The following ANKAR variants were observed in gnomAD, a reference collection of about 807,000 sequenced individuals.
The protein encoded by ANKAR is ankyrin and armadillo repeat containing.
Under a neutral mutation model 146.2 loss-of-function variants are expected in ANKAR, and 136 were observed. That is an observed-to-expected ratio of 0.93 (90% CI 0.81 to 1.07). The LOEUF (loss-of-function observed/expected upper bound fraction) is 1.07. Among genes scored for constraint, ANKAR ranks in the 50% least tolerant of loss-of-function variants. ANKAR has a pLI of 0.00. For synonymous variants in ANKAR, 500 were observed against 575.8 expected (o/e 0.87, Z 1.88); for missense variants, 1,567 against 1,679.9 (o/e 0.93, Z 1.18).
intron 7 of ANKAR, among the ~76,000 whole-genome samples, 164 bp from the exon 8 acceptor site, chr2:189,704,859 T>C (rs2038704750): frequency 6.6e-6 from 1 of 151,896 alleles, no homozygotes; most frequent in South Asian, 2.1e-4. Context: ...AATCCTGAGT[T>C]AAATAAAGGA....
chr2:189,692,612 A>G (rs2036591150), intron 4 of ANKAR, 194 bp downstream of exon 4: 1 of 458,386 alleles, frequency 2.2e-6, no homozygotes, highest in African/African-American at 2.1e-5. Flanking sequence ...ACTGTGTTGG[A>G]TATCTGAGAT....
At position 189,727,894 on chromosome 2, in the gene ANKAR, G is replaced by T. The variant is rs2042044025; in HGVS notation, c.2674G>T (p.Val892Phe). 1.9e-6 allele frequency: 3 copies of T among 1,613,886 alleles called. No individual in the cohort carries two copies. Among genetic ancestry groups the T allele is most frequent in the Non-Finnish European group, 2.5e-6 (3 of 1,179,940 alleles). The change falls in exon 13 of 23, where the codon GTT (valine) becomes TTT (phenylalanine). Residue 892 changes from valine to phenylalanine, a missense_variant. Coordinates refer to ENST00000684021, the MANE Select transcript of ANKAR (RefSeq NM_001378068.1). ...TGTATCTTCTGCTGCAATTGCTGAG[G>T]TTGGGCGTGACAATAAGGAAATTCA... ...KAVSSAAIAEVGRDNKEIQDA... is the reference protein window; with the variant it reads ...KAVSSAAIAEFGRDNKEIQDA...
chr2:189,720,715 GA>G lies in ANKAR; in HGVS notation c.2567del (p.Asn856ThrfsTer6). On this transcript the variant is annotated frameshift_variant, in exon 12 of 23. Coordinates refer to ENST00000684021, the MANE Select transcript of ANKAR (RefSeq NM_001378068.1). LOFTEE classifies it high-confidence loss of function. ...NCIRVLCIGN[E>X]NNQRAVREHK... ...TATACGGGTATTGTGTATAGGAAATGAAAACAATCAAAGAGCTGTGAGAGAA... is the reference window on the plus strand; with the variant it reads ...TATACGGGTATTGTGTATAGGAAATGAAACAATCAAAGAGCTGTGAGAGAA... 6.6e-7 allele frequency: 1 copy of G among 1,520,260 alleles called. No individual in the cohort carries two copies. Among genetic ancestry groups the G allele is most frequent in the Non-Finnish European group, 8.8e-7 (1 of 1,138,196 alleles). The allele number at this position is 1,520,260 out of a possible 1,614,324, so 94.2% of individuals were successfully genotyped here.
chr2:189,709,679 G>A (rs1418646854), intron 9 of ANKAR, among the ~76,000 whole-genome samples: 1 of 152,140 alleles, frequency 6.6e-6, no homozygotes, highest in African/African-American at 2.4e-5. Context: ...AATACCTGAC[G>A]TTGGAATTTA....
chr2:189,715,208 GA>G (rs1180370437), intron 10 of ANKAR, among the ~76,000 whole-genome samples: 1 of 152,040 alleles, frequency 6.6e-6, no homozygotes. Context: ...TAATAAAGAA[GA>G]AAAGAGAGAA....
intron 2 of ANKAR, among the ~76,000 whole-genome samples, chr2:189,684,829 C>A (rs1298405521): frequency 3.3e-4 from 36 of 108,032 alleles, no homozygotes; most frequent in African/African-American, 9.6e-4. Context: ...GACCCTGTCT[C>A]AAAAAAAAAA....
intron 16 of ANKAR, among the ~76,000 whole-genome samples, chr2:189,730,935 C>G (rs1160649535): frequency 1.3e-5 from 2 of 152,122 alleles, no homozygotes; most frequent in Non-Finnish European, 2.9e-5. Flanking sequence ...TTCTACCTCC[C>G]CAGACATCAG....
intron 1 of ANKAR, chr2:189,676,175 C>T (rs1203001410): frequency 3.0e-5 from 8 of 264,618 alleles, no homozygotes; most frequent in Non-Finnish European, 4.3e-5. Context: ...AGTAGCTTCT[C>T]ACAGATAAAC....
chr2:189,760,364 G>C (rs1003596814), intron 18 of ANKAR, among the ~76,000 whole-genome samples: 3 of 152,094 alleles, frequency 2.0e-5, no homozygotes, highest in African/African-American at 7.2e-5. Flanking sequence ...CCTAAGACGG[G>C]GCGGCTGCCG....
intron 12 of ANKAR, among the ~76,000 whole-genome samples, chr2:189,721,385 T>C (rs114963577): frequency 0.016 from 2,494 of 152,256 alleles, 69 homozygotes; most frequent in African/African-American, 0.057. Context: ...TCAATGGAAA[T>C]ATTGGCATGG....
At chr2:189,674,945 A>G (rs2033270088) in intron 1 of ANKAR, 115 bp downstream of exon 1, 1 of 152,206 alleles carries the variant, frequency 6.6e-6, no homozygotes, top group Admixed American at 6.5e-5. Flanking sequence ...CTGTTTCTGA[A>G]AGGCGTAAAA....
At chr2:189,688,446 T>C (rs541553840) in intron 2 of ANKAR, among the ~76,000 whole-genome samples, 5 of 152,300 alleles carry the variant, frequency 3.3e-5, no homozygotes, top group African/African-American at 1.2e-4. Flanking sequence ...TCTGGATCTT[T>C]CGTGGTTTCA....
chr2:189,678,743 G>A (rs1386114984), intron 2 of ANKAR, among the ~76,000 whole-genome samples: 2 of 152,066 alleles, frequency 1.3e-5, no homozygotes, highest in Non-Finnish European at 2.9e-5. Context: ...ATAAGTACTT[G>A]GTTTTATTTC....
At chr2:189,752,721 A>G (rs750698919) in intron 18 of ANKAR, 1 of 1,613,936 alleles carries the variant, frequency 6.2e-7, no homozygotes, top group South Asian at 1.1e-5. Context: ...TTTCAATACC[A>G]TTCCTAAATA....
chr2:189,693,576 A>C (rs2036750550), intron 5 of ANKAR, among the ~76,000 whole-genome samples: 1 of 152,290 alleles, frequency 6.6e-6, no homozygotes, highest in East Asian at 1.9e-4. Context: ...AGATTTAAAA[A>C]CAAATAAGGA....
At chr2:189,679,063 A>G (rs2034227755) in intron 2 of ANKAR, among the ~76,000 whole-genome samples, 1 of 152,076 alleles carries the variant, frequency 6.6e-6, no homozygotes. Context: ...TGAGCATGGG[A>G]TGTGTTTTCA....
chr2:189,731,264 C>CA (rs1168302251), intron 16 of ANKAR, among the ~76,000 whole-genome samples: 7 of 150,512 alleles, frequency 4.7e-5, no homozygotes, highest in African/African-American at 1.2e-4. Flanking sequence ...ATTATAACAT[C>CA]AAAAAAAATT....
chr2:189,723,351 T>C (rs905741248), intron 12 of ANKAR, among the ~76,000 whole-genome samples: 2 of 152,212 alleles, frequency 1.3e-5, no homozygotes, highest in Non-Finnish European at 2.9e-5. Context: ...CATATATTCA[T>C]GTATGCATGC....
At chr2:189,692,209 A>G (rs1272840644) in intron 3 of ANKAR, 46 bp from the exon 4 acceptor site, 1 of 1,492,026 alleles carries the variant, frequency 6.7e-7, no homozygotes, top group Non-Finnish European at 9.1e-7. Flanking sequence ...ATATGACTTT[A>G]TGTGCTGTTC....
Sources: allele counts gnomAD v4.1 joint callset (sites outside exome capture counted in the v4.1 genomes callset), GRCh38; gene constraint gnomAD v4.1.1; transcripts MANE v1.5; gene names NCBI Gene and HGNC (gene_info 2026-07-23, HGNC 2026-07-21).